Variants in DPYSL3 observed in about 807,000 individuals in gnomAD.
DPYSL3 encodes the protein dihydropyrimidinase-related protein 3.
A neutral mutation model predicts 66.1 loss-of-function variants in DPYSL3; 16 were observed. The observed-to-expected ratio is 0.24, with a 90% confidence interval of 0.16 to 0.37. The LOEUF (loss-of-function observed/expected upper bound fraction) is 0.37, where lower values mean the gene tolerates loss of function less well. Ranked by LOEUF, DPYSL3 falls within the 10% of genes least tolerant of loss-of-function variation. DPYSL3 has a pLI of 1.00. For synonymous variants in DPYSL3, 338 were observed against 345.1 expected, an observed-to-expected ratio of 0.98 and a Z score of 0.23; for missense variants, 738 against 916.2, an observed-to-expected ratio of 0.81 and a Z score of 2.51.
intron 1 of DPYSL3, among the ~76,000 whole-genome samples, chr5:147,474,220 T>C (rs1312523246): frequency 6.6e-6 from 1 of 152,074 alleles, no homozygotes; most frequent in Non-Finnish European, 1.5e-5. Context: ...ACAGTAAATG[T>C]CATCTGCTTC....
chr5:147,425,030 G>C, intron 1 of DPYSL3, 67 bp from the exon 2 acceptor site: 4 of 1,296,170 alleles, frequency 3.1e-6, no homozygotes, highest in Non-Finnish European at 3.3e-6. Flanking sequence ...ATCTGCCAAG[G>C]TTTTCCCAAT....
intron 1 of DPYSL3, among the ~76,000 whole-genome samples, chr5:147,444,771 G>A (rs1298276883): frequency 1.3e-5 from 2 of 152,026 alleles, no homozygotes; most frequent in Non-Finnish European, 2.9e-5. Context: ...TCCAAATGTA[G>A]CTCAGAGAAA....
Position 147,452,330 on chromosome 5 carries a change from T to C in DPYSL3, c.382-27367A>G, listed in dbSNP as rs1752746372. 3.3e-5 allele frequency among the ~76,000 whole-genome samples: 5 copies of C among 152,022 alleles called. No individual in the cohort carries two copies. The South Asian group carries it at 1.0e-3, about 32-fold the overall frequency. The stretch of plus-strand genomic sequence containing the variant: ...CTGGCGGACCCTGCAAATCAACTAC[T>C]GTGGCAGGTAAAGCTCTGCCCTAGG... On this transcript the variant is annotated intron_variant, in intron 1 of 13. Coordinates refer to ENST00000343218, the MANE Select transcript of DPYSL3 (RefSeq NM_001197294.2).
chr5:147,496,870 T>G (rs1172455258), intron 1 of DPYSL3, among the ~76,000 whole-genome samples: 3 of 152,000 alleles, frequency 2.0e-5, no homozygotes, highest in Admixed American at 2.0e-4. Flanking sequence ...GAACTAGAAA[T>G]ACCATTTGAC....
intron 1 of DPYSL3, among the ~76,000 whole-genome samples, chr5:147,474,975 G>A (rs1160122825): frequency 6.6e-6 from 1 of 151,880 alleles, no homozygotes; most frequent in Non-Finnish European, 1.5e-5. Flanking sequence ...ATGAAAAATG[G>A]CACTTTTCTC....
intron 1 of DPYSL3, among the ~76,000 whole-genome samples, chr5:147,428,569 A>G (rs1288085740): frequency 6.6e-6 from 1 of 152,168 alleles, no homozygotes. Flanking sequence ...GTGTTTGTCT[A>G]TGAATTCATG....
At position 147,402,691 on chromosome 5, in the gene DPYSL3, C is replaced by G. The variant is rs151320802; in HGVS notation, c.1154-995G>C. ...ATGTTTGTTACTCCTAACATGATGA[C>G]TTGGTAAAAGTCACCCAATAACCTA... is the stretch of plus-strand genomic sequence containing the variant. On this transcript the variant is annotated intron_variant, in intron 8 of 13. Transcript: ENST00000343218. Among the ~76,000 whole-genome samples, 72 of 152,176 alleles carry G rather than the reference C, an allele frequency of 4.7e-4. 1 individual carries two copies. In the East Asian group the frequency reaches 0.012, roughly 25 times the overall value.
intron 1 of DPYSL3, among the ~76,000 whole-genome samples, chr5:147,483,759 G>T (rs181605463): frequency 1.8e-4 from 28 of 152,256 alleles, no homozygotes; most frequent in Non-Finnish European, 3.2e-4. Context: ...CCGGAGAAAG[G>T]TCTCAGAAAA....
intron 1 of DPYSL3, chr5:147,453,826 C>A (rs1752794484): frequency 2.7e-6 from 3 of 1,105,404 alleles, no homozygotes; most frequent in Admixed American, 4.2e-5. Context: ...CCTCCTCCAC[C>A]CGCGTTCACG....
At chr5:147,402,242 G>A (rs943726051) in intron 8 of DPYSL3, among the ~76,000 whole-genome samples, 1 of 152,052 alleles carries the variant, frequency 6.6e-6, no homozygotes, top group Non-Finnish European at 1.5e-5. Flanking sequence ...AGTCCCAAAT[G>A]TGCACCCACC....
At chr5:147,431,781 A>G (rs575170143) in intron 1 of DPYSL3, among the ~76,000 whole-genome samples, 97 of 152,256 alleles carry the variant, frequency 6.4e-4, no homozygotes, top group Admixed American at 2.3e-3. Context: ...CCACAGGGCA[A>G]GTTCCCATGG....
intron 2 of DPYSL3, among the ~76,000 whole-genome samples, chr5:147,420,244 G>A (rs1752051620): frequency 6.6e-6 from 1 of 152,182 alleles, no homozygotes; most frequent in Admixed American, 6.5e-5. Context: ...TCTGTAAAAT[G>A]TAATAAAGAT....
At chr5:147,497,273 G>A (rs193137711) in intron 1 of DPYSL3, among the ~76,000 whole-genome samples, 41 of 151,118 alleles carry the variant, frequency 2.7e-4, no homozygotes, top group African/African-American at 5.8e-4. Context: ...GGGGGAAGGG[G>A]TAGCATTAGG....
intron 1 of DPYSL3, among the ~76,000 whole-genome samples, chr5:147,459,548 A>G (rs1157302502): frequency 6.6e-6 from 1 of 152,126 alleles, no homozygotes; most frequent in Non-Finnish European, 1.5e-5. Flanking sequence ...ATGTCTACAC[A>G]TTGAATACAG....
At chr5:147,460,877 A>G (rs1420620761) in intron 1 of DPYSL3, among the ~76,000 whole-genome samples, 1 of 152,206 alleles carries the variant, frequency 6.6e-6, no homozygotes, top group African/African-American at 2.4e-5. Flanking sequence ...GTACAAGGTA[A>G]TCTTGACTCC....
intron 6 of DPYSL3, among the ~76,000 whole-genome samples, chr5:147,411,517 G>A (rs751354851): frequency 3.9e-5 from 6 of 152,190 alleles, no homozygotes; most frequent in Admixed American, 2.0e-4. Flanking sequence ...GGCCAGTGAC[G>A]TAATCTTTCT....
chr5:147,420,409 T>G (rs1179601230), intron 2 of DPYSL3, among the ~76,000 whole-genome samples: 1 of 152,226 alleles, frequency 6.6e-6, no homozygotes, highest in Non-Finnish European at 1.5e-5. Flanking sequence ...ATGAATATAA[T>G]ACTTGATATG....
intron 12 of DPYSL3, among the ~76,000 whole-genome samples, chr5:147,396,207 C>T (rs760150387): frequency 2.0e-5 from 3 of 152,184 alleles, no homozygotes; most frequent in Non-Finnish European, 4.4e-5. Flanking sequence ...TCACACTCTT[C>T]AGCACACACC....
intron 1 of DPYSL3, among the ~76,000 whole-genome samples, chr5:147,500,647 A>T (rs551338051): frequency 6.6e-6 from 1 of 152,188 alleles, no homozygotes; most frequent in East Asian, 1.9e-4. Context: ...GAAAACAAAT[A>T]AATGACTCAA....
Sources: gnomAD v4.1 joint callset for allele counts (sites outside exome capture counted in the v4.1 genomes callset) on GRCh38, gnomAD v4.1.1 for gene constraint, MANE v1.5 for transcripts, NCBI Gene and HGNC (gene_info 2026-07-23, HGNC 2026-07-21) for gene names.